Variants in CPNE4 observed in about 807,000 individuals in gnomAD.
CPNE4 encodes copine-4.
Under a neutral mutation model 67.9 loss-of-function variants are expected in CPNE4, and 25 were observed. The ratio of observed to expected loss-of-function variants is 0.37; its 90% CI spans 0.27 to 0.51. The LOEUF is 0.51. Among genes scored for constraint, CPNE4 ranks in the 20% least tolerant of loss-of-function variants. The pLI, the probability that CPNE4 is intolerant of heterozygous loss-of-function variation, is 0.93. For synonymous variants in CPNE4, 242 were observed against 244.9 expected (o/e 0.99, Z 0.11); for missense variants, 464 against 690.8 (o/e 0.67, Z 3.68).
chr3:131,793,805 T>C (rs1224057498), intron 2 of CPNE4, among the ~76,000 whole-genome samples: 7 of 152,180 alleles, frequency 4.6e-5, no homozygotes, highest in Admixed American at 4.6e-4. Flanking sequence ...AACAGACTTG[T>C]AAACCTTCAT....
chr3:131,552,495 G>T lies in CPNE4; in HGVS notation c.1117-4C>A. 1 of 1,611,092 alleles carries T rather than the reference G, an allele frequency of 6.2e-7. No homozygotes were observed. On this transcript the variant is annotated splice_polypyrimidine_tract_variant and splice_region_variant and intron_variant, in intron 12 of 15. Coordinates refer to ENST00000429747, the MANE Select transcript of CPNE4 (RefSeq NM_130808.3). ...TGATTGCAAAGTCATGAGAGACCTA[G>T]ACACCGATTAAAATTTAAAAAACAG... is the stretch of plus-strand genomic sequence containing the variant.
intron 1 of CPNE4, among the ~76,000 whole-genome samples, chr3:131,985,557 C>T (rs1489323468): frequency 2.6e-5 from 4 of 152,044 alleles, no homozygotes; most frequent in Admixed American, 2.6e-4. Flanking sequence ...AGTAGAAGAG[C>T]CAAGATTCAA....
At chr3:131,857,254 A>G (rs2086484367) in intron 2 of CPNE4, among the ~76,000 whole-genome samples, 1 of 152,112 alleles carries the variant, frequency 6.6e-6, no homozygotes, top group Non-Finnish European at 1.5e-5. Flanking sequence ...AATGCGTATC[A>G]TATATTTTTA....
At chr3:131,789,805 GA>G (rs370205277) in intron 2 of CPNE4, among the ~76,000 whole-genome samples, 4 of 151,756 alleles carry the variant, frequency 2.6e-5, no homozygotes, top group Admixed American at 6.6e-5. Flanking sequence ...TATACACAAG[GA>G]AAAAAAATCC....
At chr3:131,870,891 G>T (rs1454627440) in intron 2 of CPNE4, among the ~76,000 whole-genome samples, 1 of 152,168 alleles carries the variant, frequency 6.6e-6, no homozygotes, top group Non-Finnish European at 1.5e-5. Context: ...AGAAGAGAAG[G>T]CTGGAAGGTA....
chr3:131,626,288 A>G (rs990029835), intron 7 of CPNE4, among the ~76,000 whole-genome samples: 11 of 152,370 alleles, frequency 7.2e-5, no homozygotes, highest in African/African-American at 2.6e-4. Flanking sequence ...AAAGAGGCCA[A>G]TAGCTAGGCC....
At chr3:131,942,463 T>TGTGTGTGAGAGA (rs2071424814) in intron 1 of CPNE4, among the ~76,000 whole-genome samples, 27 of 70,764 alleles carry the variant, frequency 3.8e-4, no homozygotes, top group African/African-American at 1.1e-3. Context: ...TGTGTGTGTG[T>TGTGTGTGAGAGA]GAGAGAGAGA....
At chr3:131,616,281 C>A (rs966238725) in intron 7 of CPNE4, among the ~76,000 whole-genome samples, 4 of 152,144 alleles carry the variant, frequency 2.6e-5, no homozygotes, top group Non-Finnish European at 5.9e-5. Flanking sequence ...AATGGTATAG[C>A]ATGAGAATAA....
rs1209283121 is a variant in CPNE4, at chr3:131,593,890, A to AT, written c.682-6309dup. The stretch of plus-strand genomic sequence containing the variant: ...CCATGCCCAGCTAATTATTATTATT[A>AT]TTTTTTTTTAGTAGAGATGGGGTTT... On this transcript the variant is annotated intron_variant, in intron 7 of 15. Coordinates refer to ENST00000429747, the MANE Select transcript of CPNE4 (RefSeq NM_130808.3). Among the ~76,000 whole-genome samples, 8 of 150,586 alleles carry AT rather than the reference A, an allele frequency of 5.3e-5. No homozygotes were observed. In the East Asian group the frequency reaches 5.9e-4, roughly 11 times the overall value.
intron 2 of CPNE4, among the ~76,000 whole-genome samples, chr3:131,816,692 T>G (rs2084756480): frequency 6.6e-6 from 1 of 152,192 alleles, no homozygotes; most frequent in Non-Finnish European, 1.5e-5. Flanking sequence ...CCAGGGATTT[T>G]CTCTAGTCAC....
intron 7 of CPNE4, among the ~76,000 whole-genome samples, chr3:131,632,758 T>C (rs554992758): frequency 6.6e-6 from 1 of 152,332 alleles, no homozygotes; most frequent in Non-Finnish European, 1.5e-5. Flanking sequence ...TCTTCTCTTA[T>C]GCTCAGGCCT....
At chr3:131,917,014 T>G (rs1388723682) in intron 1 of CPNE4, among the ~76,000 whole-genome samples, 1 of 152,190 alleles carries the variant, frequency 6.6e-6, no homozygotes, top group African/African-American at 2.4e-5. Flanking sequence ...TTTCATCATC[T>G]GCCAGTGCCT....
chr3:132,008,553 G>A (rs1167666845), intron 1 of CPNE4, among the ~76,000 whole-genome samples: 1 of 152,118 alleles, frequency 6.6e-6, no homozygotes, highest in Non-Finnish European at 1.5e-5. Context: ...CTGGCCAGAA[G>A]CCCCATGATG....
chr3:131,932,558 A>G (rs1041782757), intron 1 of CPNE4, among the ~76,000 whole-genome samples: 2 of 152,118 alleles, frequency 1.3e-5, no homozygotes, highest in Non-Finnish European at 2.9e-5. Flanking sequence ...AAATATTATA[A>G]GAGAGATACC....
intron 1 of CPNE4, among the ~76,000 whole-genome samples, chr3:131,993,339 T>C (rs1301892164): frequency 1.5e-5 from 2 of 134,118 alleles, no homozygotes; most frequent in African/African-American, 2.5e-5. Flanking sequence ...TACAGGAAAC[T>C]TGAAATCTTA....
At chr3:132,013,143 G>A (rs1403617962) in intron 1 of CPNE4, among the ~76,000 whole-genome samples, 1 of 152,050 alleles carries the variant, frequency 6.6e-6, no homozygotes, top group East Asian at 1.9e-4. Flanking sequence ...GAATAACTTG[G>A]ACCCCAGAGG....
chr3:131,711,988 A>G (rs1054627230), intron 3 of CPNE4, among the ~76,000 whole-genome samples: 4 of 152,202 alleles, frequency 2.6e-5, no homozygotes, highest in African/African-American at 9.6e-5. Context: ...GGGGACTAAC[A>G]TCTGCAAATT....
chr3:131,884,479 G>C (rs2087801927), intron 2 of CPNE4, among the ~76,000 whole-genome samples: 1 of 152,182 alleles, frequency 6.6e-6, no homozygotes, highest in African/African-American at 2.4e-5. Flanking sequence ...ACTAGGCATG[G>C]TGGGCACCAG....
intron 2 of CPNE4, among the ~76,000 whole-genome samples, chr3:131,776,288 A>T (rs552280163): frequency 6.1e-5 from 6 of 99,082 alleles, no homozygotes; most frequent in Non-Finnish European, 1.3e-4. Flanking sequence ...GTCCCTTCTC[A>T]TAGGTCAGGA....
Sources: allele counts gnomAD v4.1 joint callset (sites outside exome capture counted in the v4.1 genomes callset), GRCh38; gene constraint gnomAD v4.1.1; transcripts MANE v1.5; gene names NCBI Gene and HGNC (gene_info 2026-07-23, HGNC 2026-07-21).